The following CCDC177 variants were observed in gnomAD, a reference collection of about 807,000 sequenced individuals.
CCDC177 encodes the protein coiled-coil domain-containing protein 177.
In CCDC177, 2 loss-of-function variants were observed where a neutral mutation model predicts 7.3. The observed-to-expected ratio is 0.28, with a 90% CI of 0.11 to 0.87. The LOEUF (loss-of-function observed/expected upper bound fraction) is 0.87. Ranked by LOEUF, CCDC177 falls within the 40% of genes least tolerant of loss-of-function variation. CCDC177 has a pLI of 0.61. For missense variants in CCDC177, 874 were observed against 970.5 expected (o/e 0.90, Z 1.32); for synonymous variants, 401 against 449.2 (o/e 0.89, Z 1.36).
At position 69,572,889 on chromosome 14, in the gene CCDC177, C is replaced by T; in HGVS notation, c.734G>A (p.Ser245Asn). 2 of 1,230,998 alleles carry T rather than the reference C, an allele frequency of 1.6e-6. 1 individual carries two copies. The highest frequency in any genetic ancestry group is 8.2e-5 in the South Asian group (2 of 24,322). 76.3% of individuals were successfully genotyped at this position (1,230,998 alleles called of 1,614,324 possible). The change falls in exon 2 of 2, where the codon AGC becomes AAC. Residue 245 changes from serine to asparagine, a missense_variant. Coordinates refer to ENST00000599174, the MANE Select transcript of CCDC177 (RefSeq NM_001271507.2). ...SLSRRREGAL[S>N]SESGASSSSY... ...TGACGACGATGCGCCCGACTCGGAG[C>T]TGAGGGCGCCCTCACGCCGGCGGGA...
chr14:69,573,911 C>T (rs1305293533), intron 1 of CCDC177, among the ~76,000 whole-genome samples: 2 of 152,194 alleles, frequency 1.3e-5, no homozygotes, highest in South Asian at 2.1e-4. Context: ...TGGCGAGGCT[C>T]CTCTGGGCGC....
chr14:69,573,124 A>G lies in CCDC177; in HGVS notation c.499T>C (p.Leu167=). The G allele has an allele frequency of 4.1e-6, 5 of 1,227,784 alleles. No individual in the cohort carries two copies. Among genetic ancestry groups the G allele is most frequent in the Non-Finnish European group, 5.1e-6 (5 of 985,752 alleles). The allele number at this position is 1,227,784 out of a possible 1,614,324, so 76.1% of individuals were successfully genotyped here. ...GCGGCGGCGGCGGCCGCGGGGCTCA[A>G]AGGCGTGAAAAGACGCCGCTTCTCC... ...REEKRRLFTP[L]SPAAAAAAAA... Residue 167 remains leucine, a synonymous_variant, in exon 2 of 2, where the codon TTG becomes CTG. Transcript: ENST00000599174.
Position 69,571,906 on chromosome 14 carries a change from C to T in CCDC177, c.1717G>A (p.Ala573Thr), listed in dbSNP as rs555992807. Residue 573 changes from alanine (A) to threonine (T), a missense_variant, in exon 2 of 2, where the codon GCG becomes ACG. Coordinates refer to ENST00000599174, the MANE Select transcript of CCDC177 (RefSeq NM_001271507.2). ...EELQGRRAKEAAERKEREHQA... is the reference protein window; with the variant it reads ...EELQGRRAKETAERKEREHQA... ...TGTTCCCGCTCTTTGCGCTCTGCCG[C>T]CTCCTTGGCCCGCCGACCCTGCAGC... 8.1e-7 allele frequency: 1 copy of T among 1,231,788 alleles called. No individual in the cohort carries two copies. The highest frequency in any genetic ancestry group is 1.5e-5 in the African/African-American group (1 of 64,532). The allele number at this position is 1,231,788 out of a possible 1,614,324, so 76.3% of individuals were successfully genotyped here.
In CCDC177 at chr14:69,572,624, C is replaced by A; in HGVS notation, c.999G>T (p.Gly333=). The A allele has an allele frequency of 1.6e-6, 2 of 1,231,254 alleles. No homozygotes were observed. Among genetic ancestry groups the A allele is most frequent in the Non-Finnish European group, 2.0e-6 (2 of 987,602 alleles). The allele number at this position is 1,231,254 out of a possible 1,614,324, so 76.3% of individuals were successfully genotyped here. A position where few individuals can be genotyped will look rare whatever the true frequency, so the allele number is the denominator to read the frequency against. ...CGATCTTCCGGTCACGCTCCGGCAC[C>A]CCGCGCAGGCCGCGCTCTGCACGCA... The part of the protein sequence containing the change: ...RQVRAERGLR[G]VPERDRKIAA... The change falls in exon 2 of 2, where the codon GGG becomes GGT. Residue 333 remains glycine (G), a synonymous_variant. Coordinates refer to ENST00000599174, the MANE Select transcript of CCDC177 (RefSeq NM_001271507.2).
In CCDC177 at chr14:69,573,445, C is replaced by G; in HGVS notation, c.178G>C (p.Ala60Pro). Residue 60 changes from alanine to proline, a missense_variant, in exon 2 of 2, where the codon GCC becomes CCC. By Grantham distance (27) the Ala-to-Pro change is conservative. Coordinates refer to ENST00000599174, the MANE Select transcript of CCDC177 (RefSeq NM_001271507.2). ...TGCTCCCGCCGCCCGCCTTCTGCGG[C>G]TGCACATGGGACTTCTGCCTTGCGG... ...VPRKAEVPCAAAEGGRREQSP... is the reference protein window; with the variant it reads ...VPRKAEVPCAPAEGGRREQSP... 2 of 1,231,440 alleles carry G rather than the reference C, an allele frequency of 1.6e-6. No homozygotes were observed. Among genetic ancestry groups the G allele is most frequent in the Non-Finnish European group, 2.0e-6 (2 of 987,816 alleles). The allele number at this position is 1,231,440 out of a possible 1,614,324, so 76.3% of individuals were successfully genotyped here.
At chr14:69,573,841 A>C (rs558562910) in intron 1 of CCDC177, among the ~76,000 whole-genome samples, 191 bp from the exon 2 acceptor site, 19 of 152,244 alleles carry the variant, frequency 1.2e-4, no homozygotes, top group Middle Eastern at 3.4e-3. Flanking sequence ...TGGGGCGGAC[A>C]CTCGTGTTCA....
intron 1 of CCDC177, 72 bp from the exon 2 acceptor site, chr14:69,573,722 C>G: frequency 8.4e-7 from 1 of 1,193,784 alleles, no homozygotes; most frequent in Non-Finnish European, 1.0e-6. Flanking sequence ...CATAGTCACC[C>G]CATCCCAACT....
Position 69,572,249 on chromosome 14 carries a change from C to T in CCDC177, c.1374G>A (p.Glu458=). 1 of 1,229,656 alleles carries T rather than the reference C, an allele frequency of 8.1e-7. No individual in the cohort carries two copies. The highest frequency in any genetic ancestry group is 1.0e-6 in the Non-Finnish European group (1 of 986,618). 76.2% of individuals were successfully genotyped at this position (1,229,656 alleles called of 1,614,324 possible). A position where few individuals can be genotyped will look rare whatever the true frequency, so the allele number is the denominator to read the frequency against. ...CTTCCTCACGTTGCTTCAGGTTCTGCTCCTGCTGAAGCTTGCGCAGCCGAT... is the reference window on the plus strand; with the variant it reads ...CTTCCTCACGTTGCTTCAGGTTCTGTTCCTGCTGAAGCTTGCGCAGCCGAT... ...REDRLRKLQQ[E]QNLKQREEGL... Residue 458 remains glutamate (E), a synonymous_variant, in exon 2 of 2, where the codon GAG becomes GAA. Transcript: ENST00000599174.
rs1884291338 is a variant in CCDC177, at chr14:69,570,102, CT to C, written c.*1396del. 6.6e-6 allele frequency: 1 copy of C among 152,454 alleles called. No individual in the cohort carries two copies. The highest frequency in any genetic ancestry group is 6.5e-5 in the Admixed American group (1 of 15,304). The allele number at this position is 152,454 out of a possible 1,614,324, so 9.4% of individuals were successfully genotyped here. A position where few individuals can be genotyped will look rare whatever the true frequency, so the allele number is the denominator to read the frequency against. On this transcript the variant is annotated 3_prime_UTR_variant, in exon 2 of 2. Coordinates refer to ENST00000599174, the MANE Select transcript of CCDC177 (RefSeq NM_001271507.2). ...TTCACCCCAGAGGCTAAATGACCAT[CT>C]GTCCACGAGGCACTGCCCTTTCCAA...
rs542669116 is a variant in CCDC177, at chr14:69,572,216, C to T, written c.1407G>A (p.Gln469=). The T allele has an allele frequency of 5.9e-5, 73 of 1,229,806 alleles. No individual in the cohort carries two copies. The African/African-American group carries it at 6.7e-4, about 11-fold the overall frequency. The allele number at this position is 1,229,806 out of a possible 1,614,324, so 76.2% of individuals were successfully genotyped here. The change falls in exon 2 of 2, where the codon CAG becomes CAA. Residue 469 remains glutamine (Q), a synonymous_variant. Coordinates refer to ENST00000599174, the MANE Select transcript of CCDC177 (RefSeq NM_001271507.2). ...TCTGCTCAGCCCGCTCCCGCCCTTC[C>T]TGTAGACCTTCCTCACGTTGCTTCA... The part of the protein sequence containing the change: ...QNLKQREEGL[Q]EGRERAEQIR...
chr14:69,572,399 G>C lies in CCDC177; in HGVS notation c.1224C>G (p.Arg408=), dbSNP rs1409698207. The change falls in exon 2 of 2, where the codon CGC becomes CGG. Residue 408 remains arginine (R), a synonymous_variant. Transcript: ENST00000599174. ...QVEERRGRRG[R]EEREAARRRQ... is the part of the protein sequence containing the mutation. The stretch of plus-strand genomic sequence containing the variant: ...GCCGCCGCGCCGCCTCGCGCTCTTC[G>C]CGGCCACGGCGGCCTCGCCGCTCCT... 8.2e-7 allele frequency: 1 copy of C among 1,222,798 alleles called. No individual in the cohort carries two copies. The highest frequency in any genetic ancestry group is 1.0e-6 in the Non-Finnish European group (1 of 982,462). 75.7% of individuals were successfully genotyped at this position (1,222,798 alleles called of 1,614,324 possible). A position where few individuals can be genotyped will look rare whatever the true frequency, so the allele number is the denominator to read the frequency against.
In CCDC177 at chr14:69,571,575, C is replaced by T. The variant is rs189683047; in HGVS notation, c.2048G>A (p.Arg683His). The T allele has an allele frequency of 3.2e-6, 4 of 1,236,048 alleles. No homozygotes were observed. Among genetic ancestry groups the T allele is most frequent in the East Asian group, 6.3e-5 (2 of 31,826 alleles). 76.6% of individuals were successfully genotyped at this position (1,236,048 alleles called of 1,614,324 possible). ...RASFHVREKV[R>H]EETNTRSFDR... is the part of the protein sequence containing the mutation. The stretch of plus-strand genomic sequence containing the variant: ...GAAGGATCGCGTGTTGGTCTCCTCG[C>T]GCACCTTCTCACGCACGTGGAAGGA... The change falls in exon 2 of 2, where the codon CGC becomes CAC. Residue 683 changes from arginine (R) to histidine (H), a missense_variant. By Grantham distance (29) the Arg-to-His change is conservative (BLOSUM62 0). Transcript: ENST00000599174.
chr14:69,573,535 CAG>C lies in CCDC177; in HGVS notation c.86_87del (p.Pro29ArgfsTer106). ...GCGGGCTCCTGTGCGCCCTGGGAAT[CAG>C]GGGGCACGGACGCCACGGCCTCGTC... ...GGDEAVASVP[P>X]DSQGAQEPAA... On this transcript the variant is annotated frameshift_variant, in exon 2 of 2. Transcript: ENST00000599174. LOFTEE classifies it low-confidence loss of function (END_TRUNC). 1 of 1,231,714 alleles carries C rather than the reference CAG, an allele frequency of 8.1e-7. No homozygotes were observed. Among genetic ancestry groups the C allele is most frequent in the Non-Finnish European group, 1.0e-6 (1 of 987,906 alleles). The allele number at this position is 1,231,714 out of a possible 1,614,324, so 76.3% of individuals were successfully genotyped here. A position where few individuals can be genotyped will look rare whatever the true frequency, so the allele number is the denominator to read the frequency against.
At position 69,571,217 on chromosome 14, in the gene CCDC177, T is replaced by C; in HGVS notation, c.*282A>G. 1.8e-6 allele frequency: 1 copy of C among 567,300 alleles called. No homozygotes were observed. Among genetic ancestry groups the C allele is most frequent in the Non-Finnish European group, 3.2e-6 (1 of 317,238 alleles). The allele number at this position is 567,300 out of a possible 1,614,324, so 35.1% of individuals were successfully genotyped here. A position where few individuals can be genotyped will look rare whatever the true frequency, so the allele number is the denominator to read the frequency against. On this transcript the variant is annotated 3_prime_UTR_variant, in exon 2 of 2. Coordinates refer to ENST00000599174, the MANE Select transcript of CCDC177 (RefSeq NM_001271507.2). ...AGCCCCTTTCCCCCAAGCTTCTCTA[T>C]TCCAGCCCAAGAGACACATAGGGAA... is the stretch of plus-strand genomic sequence containing the variant.
In CCDC177 at chr14:69,572,418, C is replaced by A; in HGVS notation, c.1205G>T (p.Arg402Leu). The A allele has an allele frequency of 8.2e-7, 1 of 1,226,864 alleles. No homozygotes were observed. Among genetic ancestry groups the A allele is most frequent in the East Asian group, 3.2e-5 (1 of 31,342 alleles). 76.0% of individuals were successfully genotyped at this position (1,226,864 alleles called of 1,614,324 possible). The change falls in exon 2 of 2, where the codon CGG (arginine) becomes CTG (leucine). Residue 402 changes from arginine (R) to leucine (L), a missense_variant. By Grantham distance (102) the Arg-to-Leu change is moderately radical. Transcript: ENST00000599174. ...RRAWAAQVEE[R>L]RGRRGREERE... ...CTCTTCGCGGCCACGGCGGCCTCGC[C>A]GCTCCTCCACCTGCGCGGCCCAGGC...
chr14:69,574,287 G>A (rs1325181382), intron 1 of CCDC177, among the ~76,000 whole-genome samples: 1 of 151,968 alleles, frequency 6.6e-6, no homozygotes, highest in Non-Finnish European at 1.5e-5. Flanking sequence ...TCTGCACGCC[G>A]CCTCCGCCCC....
Position 69,573,523 on chromosome 14 carries a change from C to A in CCDC177, c.100G>T (p.Ala34Ser). ...VASVPPDSQGAQEPAASSASA... is the reference protein window; with the variant it reads ...VASVPPDSQGSQEPAASSASA... ...GCCGAGGAAGCTGCGGGCTCCTGTG[C>A]GCCCTGGGAATCAGGGGGCACGGAC... Residue 34 changes from alanine to serine, a missense_variant, in exon 2 of 2, where the codon GCA becomes TCA. Coordinates refer to ENST00000599174, the MANE Select transcript of CCDC177 (RefSeq NM_001271507.2). 1 of 1,231,674 alleles carries A rather than the reference C, an allele frequency of 8.1e-7. No individual in the cohort carries two copies. Among genetic ancestry groups the A allele is most frequent in the Non-Finnish European group, 1.0e-6 (1 of 987,890 alleles). The allele number at this position is 1,231,674 out of a possible 1,614,324, so 76.3% of individuals were successfully genotyped here. A position where few individuals can be genotyped will look rare whatever the true frequency, so the allele number is the denominator to read the frequency against.
rs1884356033 is a variant in CCDC177, at chr14:69,572,708, G to A, written c.915C>T (p.Leu305=). 11 of 1,231,362 alleles carry A rather than the reference G, an allele frequency of 8.9e-6. No individual in the cohort carries two copies. The highest frequency in any genetic ancestry group is 3.1e-5 in the African/African-American group (2 of 64,422). The allele number at this position is 1,231,362 out of a possible 1,614,324, so 76.3% of individuals were successfully genotyped here. ...LVPITGRSFS[L]GDLSHSPQTA... ...TCTGCGGCGAATGGCTCAGGTCGCCGAGGCTGAAGCTGCGGCCGGTGATCG... is the reference window on the plus strand; with the variant it reads ...TCTGCGGCGAATGGCTCAGGTCGCCAAGGCTGAAGCTGCGGCCGGTGATCG... The change falls in exon 2 of 2, where the codon CTC becomes CTT. Residue 305 remains leucine, a synonymous_variant. Transcript: ENST00000599174.
Position 69,571,656 on chromosome 14 carries a change from T to C in CCDC177, c.1967A>G (p.Gln656Arg), listed in dbSNP as rs1884326798. The C allele has an allele frequency of 2.4e-6, 3 of 1,232,000 alleles. No individual in the cohort carries two copies. The highest frequency in any genetic ancestry group is 4.2e-5 in the Admixed American group (1 of 23,776). 76.3% of individuals were successfully genotyped at this position (1,232,000 alleles called of 1,614,324 possible). ...CGCACTGCGCCGTTCCCGCGTCAGC[T>C]GCTCGCTGCGCTCCAGCTTGCGCCC... ...AIGRKLERSE[Q>R]LTRERRSALE... The change falls in exon 2 of 2, where the codon CAG (glutamine) becomes CGG (arginine). Residue 656 changes from glutamine (Q) to arginine (R), a missense_variant. Coordinates refer to ENST00000599174, the MANE Select transcript of CCDC177 (RefSeq NM_001271507.2).
Sources: allele counts gnomAD v4.1 joint callset (sites outside exome capture counted in the v4.1 genomes callset), GRCh38; gene constraint gnomAD v4.1.1; transcripts MANE v1.5; gene names NCBI Gene and HGNC (gene_info 2026-07-23, HGNC 2026-07-21).